The following SH3GLB1 variants were observed in gnomAD, a reference collection of about 807,000 sequenced individuals.
SH3GLB1 encodes endophilin-B1.
A neutral mutation model predicts 42.0 loss-of-function variants in SH3GLB1; 17 were observed. The observed-to-expected ratio is 0.40, with a 90% CI of 0.28 to 0.61. The LOEUF is 0.61. Ranked by LOEUF, SH3GLB1 falls within the 20% of genes least tolerant of loss-of-function variation. The pLI, the probability that SH3GLB1 is intolerant of heterozygous loss-of-function variation, is 0.36. For synonymous variants in SH3GLB1, 132 were observed against 146.6 expected, an observed-to-expected ratio of 0.90 and a Z score of 0.72; for missense variants, 355 against 426.3, an observed-to-expected ratio of 0.83 and a Z score of 1.47.
chr1:86,729,036 A>C (rs1655364796), intron 5 of SH3GLB1, among the ~76,000 whole-genome samples: 1 of 152,160 alleles, frequency 6.6e-6, no homozygotes, highest in South Asian at 2.1e-4. Flanking sequence ...AGCCTTGGGA[A>C]AGAATAGAGA....
intron 4 of SH3GLB1, among the ~76,000 whole-genome samples, chr1:86,723,856 T>A (rs975657633): frequency 1.3e-5 from 2 of 152,174 alleles, no homozygotes; most frequent in Non-Finnish European, 2.9e-5. Context: ...TGTAACAATT[T>A]GAAAGTCAGT....
At chr1:86,733,774 T>C (rs2101974329) in intron 5 of SH3GLB1, among the ~76,000 whole-genome samples, 1 of 152,330 alleles carries the variant, frequency 6.6e-6, no homozygotes, top group Admixed American at 6.5e-5. Context: ...GGCATACTGT[T>C]ATTTACATCT....
At chr1:86,716,360 C>T (rs1324385859) in intron 2 of SH3GLB1, among the ~76,000 whole-genome samples, 4 of 152,062 alleles carry the variant, frequency 2.6e-5, no homozygotes, top group Non-Finnish European at 2.9e-5. Context: ...CTGCAACCTC[C>T]ACCTCCCAGG....
intron 1 of SH3GLB1, among the ~76,000 whole-genome samples, chr1:86,707,083 T>C (rs1218326845): frequency 6.6e-6 from 1 of 152,198 alleles, no homozygotes; most frequent in African/African-American, 2.4e-5. Flanking sequence ...GAAGCTTACA[T>C]TGTAGCGGAA....
intron 2 of SH3GLB1, among the ~76,000 whole-genome samples, chr1:86,716,888 T>C (rs368157712): frequency 3.3e-5 from 5 of 152,358 alleles, no homozygotes; most frequent in African/African-American, 1.2e-4. Context: ...AGTTGTGATA[T>C]GACATATGCT....
chr1:86,724,171 G>T, intron 4 of SH3GLB1, 142 bp from the exon 5 acceptor site: 1 of 504,882 alleles, frequency 2.0e-6, no homozygotes, highest in Non-Finnish European at 3.4e-6. Flanking sequence ...ATACATGAAT[G>T]GTAACTTTAT....
intron 3 of SH3GLB1, among the ~76,000 whole-genome samples, chr1:86,720,228 ATAC>A (rs1306891275): frequency 1.3e-5 from 2 of 152,116 alleles, no homozygotes; most frequent in African/African-American, 4.8e-5. Flanking sequence ...CTATGTTATA[ATAC>A]TTGTGATATT....
At position 86,704,838 on chromosome 1, in the gene SH3GLB1, G is replaced by A; in HGVS notation, c.-62G>A. On this transcript the variant is annotated 5_prime_UTR_variant, in exon 1 of 9. Coordinates refer to ENST00000370558, the MANE Select transcript of SH3GLB1 (RefSeq NM_016009.5). ...CCGCTCTAGCCCTGCGCCCCAGCCC[G>A]GCCGCGGCACCTCCGCCTCGCCGCC... 1.7e-6 allele frequency: 2 copies of A among 1,210,842 alleles called. No individual in the cohort carries two copies. The highest frequency in any genetic ancestry group is 2.3e-6 in the Non-Finnish European group (2 of 863,060). The allele number at this position is 1,210,842 out of a possible 1,614,324, so 75.0% of individuals were successfully genotyped here. A position where few individuals can be genotyped will look rare whatever the true frequency, so the allele number is the denominator to read the frequency against.
intron 1 of SH3GLB1, among the ~76,000 whole-genome samples, chr1:86,706,012 A>C (rs916358302): frequency 2.0e-5 from 3 of 152,246 alleles, no homozygotes; most frequent in Non-Finnish European, 4.4e-5. Context: ...TATCCCTGGC[A>C]AAAGAGTAGT....
In SH3GLB1 at chr1:86,704,708, C is replaced by T. The variant is rs1653707789; in HGVS notation, c.-192C>T. ...CCATCCTTGGCGCTGCCGCCGCGCG[C>T]TTGTTCTCCTCCCTCGCCCCGCCTT... On this transcript the variant is annotated 5_prime_UTR_variant, in exon 1 of 9. Coordinates refer to ENST00000370558, the MANE Select transcript of SH3GLB1 (RefSeq NM_016009.5). The T allele has an allele frequency of 2.2e-6, 1 of 453,904 alleles. No individual in the cohort carries two copies. The highest frequency in any genetic ancestry group is 3.9e-6 in the Non-Finnish European group (1 of 254,834). The allele number at this position is 453,904 out of a possible 1,614,324, so 28.1% of individuals were successfully genotyped here.
At chr1:86,725,563 G>A (rs982225531) in intron 5 of SH3GLB1, among the ~76,000 whole-genome samples, 1 of 152,096 alleles carries the variant, frequency 6.6e-6, no homozygotes, top group Non-Finnish European at 1.5e-5. Flanking sequence ...AAGCTAACAA[G>A]TTAATACTTA....
In SH3GLB1 at chr1:86,715,775, T is replaced by C. The variant is rs1391286215; in HGVS notation, c.124T>C (p.Leu42=). 1.2e-6 allele frequency: 2 copies of C among 1,612,578 alleles called. No individual in the cohort carries two copies. The highest frequency in any genetic ancestry group is 1.3e-5 in the African/African-American group (1 of 74,838). Residue 42 remains leucine, a synonymous_variant, in exon 2 of 9, where the codon TTA becomes CTA. Transcript: ENST00000370558. ...QAEKTELDAH[L]ENLLSKAECT... ...TGAGAAGACAGAATTGGATGCTCAC[T>C]TAGAGAACCTCCTTAGCAAAGCTGA...
At chr1:86,723,661 A>G (rs1039140139) in intron 4 of SH3GLB1, among the ~76,000 whole-genome samples, 5 of 152,240 alleles carry the variant, frequency 3.3e-5, no homozygotes, top group African/African-American at 1.2e-4. Context: ...GAATTCTAAG[A>G]TACTATACTA....
At chr1:86,729,472 T>C (rs964552133) in intron 5 of SH3GLB1, among the ~76,000 whole-genome samples, 2 of 152,176 alleles carry the variant, frequency 1.3e-5, no homozygotes, top group African/African-American at 4.8e-5. Context: ...GTCCTATCTA[T>C]AGGTAAATGA....
At position 86,734,519 on chromosome 1, in the gene SH3GLB1, A is replaced by AT. The variant is rs1655679698; in HGVS notation, c.571-75dup. The AT allele has an allele frequency of 1.0e-4, 102 of 985,486 alleles. 1 individual carries two copies. Among genetic ancestry groups the AT allele is most frequent in the South Asian group, 3.8e-4 (25 of 64,982 alleles). The allele number at this position is 985,486 out of a possible 1,614,324, so 61.0% of individuals were successfully genotyped here. A position where few individuals can be genotyped will look rare whatever the true frequency, so the allele number is the denominator to read the frequency against. The stretch of plus-strand genomic sequence containing the variant: ...TTATAACTTGAGGTTTGTTCGGGGG[A>AT]TTTTTTTTAACCATCTAAAATAAAT... On this transcript the variant is annotated intron_variant, in intron 5 of 8. Transcript: ENST00000370558.
chr1:86,739,882 T>C (rs540238689), intron 7 of SH3GLB1, among the ~76,000 whole-genome samples: 3 of 152,120 alleles, frequency 2.0e-5, no homozygotes, highest in African/African-American at 7.2e-5. Context: ...CAGTGGCTCA[T>C]GCCTGTAATC....
At chr1:86,714,445 T>C (rs1255457956) in intron 1 of SH3GLB1, among the ~76,000 whole-genome samples, 7 of 152,228 alleles carry the variant, frequency 4.6e-5, no homozygotes, top group Non-Finnish European at 7.4e-5. Flanking sequence ...GGGCTGGCTA[T>C]AGACCATTCT....
At chr1:86,715,514 G>A (rs748569968) in intron 1 of SH3GLB1, among the ~76,000 whole-genome samples, 26 of 152,170 alleles carry the variant, frequency 1.7e-4, no homozygotes, top group Non-Finnish European at 3.1e-4. Context: ...GGTATGTGAT[G>A]ACTGTAAGGT....
intron 3 of SH3GLB1, among the ~76,000 whole-genome samples, chr1:86,721,650 A>G (rs1053638437): frequency 3.9e-5 from 6 of 152,200 alleles, no homozygotes; most frequent in African/African-American, 1.4e-4. Context: ...TTTTAACTTA[A>G]GATATCACTA....
Sources: allele counts gnomAD v4.1 joint callset (sites outside exome capture counted in the v4.1 genomes callset), GRCh38; gene constraint gnomAD v4.1.1; transcripts MANE v1.5; gene names NCBI Gene and HGNC (gene_info 2026-07-23, HGNC 2026-07-21).